MAN1C1: variants seen among roughly 807,000 people sequenced by gnomAD.
MAN1C1 encodes mannosyl-oligosaccharide 1,2-alpha-mannosidase IC.
Under a neutral mutation model 71.5 loss-of-function variants are expected in MAN1C1, and 49 were observed. The observed-to-expected ratio is 0.69, with a 90% CI of 0.54 to 0.87. The LOEUF (loss-of-function observed/expected upper bound fraction) is 0.87, where lower values mean the gene tolerates loss of function less well. Among genes scored for constraint, MAN1C1 ranks in the 40% least tolerant of loss-of-function variants. MAN1C1 has a pLI of 0.00. For missense variants in MAN1C1, 743 were observed against 835.0 expected (o/e 0.89, Z 1.36); for synonymous variants, 352 against 343.7 (o/e 1.02, Z -0.27).
At chr1:25,641,363 C>T (rs1368614730) in intron 1 of MAN1C1, among the ~76,000 whole-genome samples, 3 of 152,216 alleles carry the variant, frequency 2.0e-5, no homozygotes, top group Admixed American at 6.5e-5. Context: ...TAAACCTCCC[C>T]TCCCCACTCC....
At chr1:25,750,503 A>C (rs2047199963) in intron 4 of MAN1C1, among the ~76,000 whole-genome samples, 1 of 152,166 alleles carries the variant, frequency 6.6e-6, no homozygotes, top group South Asian at 2.1e-4. Context: ...AAGCCACAGA[A>C]TAATCCCTCT....
chr1:25,628,590 G>A (rs1189970924), intron 1 of MAN1C1, among the ~76,000 whole-genome samples: 3 of 152,298 alleles, frequency 2.0e-5, no homozygotes, highest in Admixed American at 6.5e-5. Context: ...TTATAGGTGT[G>A]AGCCACCACA....
chr1:25,734,206 G>GCAACATCCA (rs2046950482), intron 2 of MAN1C1, among the ~76,000 whole-genome samples: 1 of 152,142 alleles, frequency 6.6e-6, no homozygotes, highest in Non-Finnish European at 1.5e-5. Context: ...ACGGCTCACT[G>GCAACATCCA]CAACCTCCAC....
chr1:25,769,390 TACACAC>T lies in MAN1C1; in HGVS notation c.1142-2253_1142-2248del, dbSNP rs71004538. ...ACTCACCCCACACCCCATACATACA[TACACAC>T]ACACACACACACAAGCTGTAAAGCA... On this transcript the variant is annotated intron_variant, in intron 7 of 11. Transcript: ENST00000374332. This position sits in a 1 kb window ranked among gnomAD's most constrained non-coding sequence, Gnocchi z 4.8. Among the ~76,000 whole-genome samples the T allele has an allele frequency of 2.7e-5, 4 of 148,550 alleles. No homozygotes were observed. The highest frequency in any genetic ancestry group is 4.5e-5 in the Non-Finnish European group (3 of 66,750).
In MAN1C1 at chr1:25,617,281, G is replaced by T. The variant is rs2045113786; in HGVS notation, c.-517G>T. Among the ~76,000 whole-genome samples the T allele has an allele frequency of 6.6e-6, 1 of 151,862 alleles. No homozygotes were observed. The highest frequency in any genetic ancestry group is 2.0e-4 in the East Asian group (1 of 5,120). On this transcript the variant is annotated 5_prime_UTR_variant, in exon 1 of 12. Transcript: ENST00000374332. This position sits in a 1 kb window ranked among gnomAD's most constrained non-coding sequence, Gnocchi z 5.1. ...CGCGCGCTCGGGGCGGCGCTGACAC[G>T]CCAGCCCCCCATCGCCTCGGTCCCC... is the stretch of plus-strand genomic sequence containing the variant.
In MAN1C1 at chr1:25,744,009, T is replaced by C. The variant is rs112928660; in HGVS notation, c.638-2659T>C. Among the ~76,000 whole-genome samples, 26 of 152,312 alleles carry C rather than the reference T, an allele frequency of 1.7e-4. 1 individual carries two copies. The highest frequency in any genetic ancestry group is 6.0e-4 in the African/African-American group (25 of 41,572). Reference sequence around the variant, plus strand: ...GGGCCAGTCCCCCCTTGGTCTAATCTTGAGTGTGTCCCATCCCCTCTCTGA... The same window carrying C: ...GGGCCAGTCCCCCCTTGGTCTAATCCTGAGTGTGTCCCATCCCCTCTCTGA... On this transcript the variant is annotated intron_variant, in intron 2 of 11. Transcript: ENST00000374332.
At chr1:25,632,491 T>A (rs910714985) in intron 1 of MAN1C1, among the ~76,000 whole-genome samples, 2 of 152,096 alleles carry the variant, frequency 1.3e-5, no homozygotes, top group Admixed American at 1.3e-4. Context: ...ATGTTTCAAT[T>A]TCATTTACTT....
chr1:25,659,879 ATTAT>A (rs1272198815), intron 1 of MAN1C1, among the ~76,000 whole-genome samples: 1 of 152,152 alleles, frequency 6.6e-6, no homozygotes, highest in African/African-American at 2.4e-5. Context: ...GTTTTACTGT[ATTAT>A]TTATCTATTT....
intron 2 of MAN1C1, among the ~76,000 whole-genome samples, chr1:25,690,634 G>T (rs1286601021): frequency 1.3e-5 from 2 of 152,218 alleles, no homozygotes; most frequent in African/African-American, 4.8e-5. Context: ...GCCAGACAGG[G>T]CAGTTATTGT....
At chr1:25,696,013 G>C (rs184891573) in intron 2 of MAN1C1, among the ~76,000 whole-genome samples, 1 of 152,220 alleles carries the variant, frequency 6.6e-6, no homozygotes, top group African/African-American at 2.4e-5. Context: ...AACAAGTCTT[G>C]TTCCTGTCAG....
intron 1 of MAN1C1, among the ~76,000 whole-genome samples, chr1:25,670,536 A>G (rs1421818041): frequency 6.6e-6 from 1 of 152,218 alleles, no homozygotes; most frequent in African/African-American, 2.4e-5. Flanking sequence ...TTCAAAGAGA[A>G]GCAGACATAA....
intron 2 of MAN1C1, among the ~76,000 whole-genome samples, chr1:25,737,548 C>T (rs1051468897): frequency 3.3e-5 from 5 of 152,196 alleles, no homozygotes; most frequent in East Asian, 1.9e-4. Flanking sequence ...ATTCAACAAC[C>T]ACTCGTTTCT....
chr1:25,749,443 C>A lies in MAN1C1; in HGVS notation c.834+108C>A, dbSNP rs558875238. The A allele has an allele frequency of 5.8e-5, 57 of 990,644 alleles. No individual in the cohort carries two copies. In the Admixed American group the frequency reaches 9.1e-4, roughly 16 times the overall value. 61.4% of individuals were successfully genotyped at this position (990,644 alleles called of 1,614,324 possible). ...CCATGGGAAAAGGGACTTAAGGGGG[C>A]AGGGATGGGCCTGGGGCCACCCAAG... On this transcript the variant is annotated intron_variant, in intron 4 of 11. Transcript: ENST00000374332.
At chr1:25,733,317 C>T (rs1281024212) in intron 2 of MAN1C1, among the ~76,000 whole-genome samples, 1 of 152,162 alleles carries the variant, frequency 6.6e-6, no homozygotes, top group Admixed American at 6.5e-5. Context: ...AGATCCAGTT[C>T]CTAAGCCATC....
At chr1:25,666,050 G>C (rs556934470) in intron 1 of MAN1C1, among the ~76,000 whole-genome samples, 1 of 151,702 alleles carries the variant, frequency 6.6e-6, no homozygotes, top group East Asian at 1.9e-4. Flanking sequence ...TCATCTCTCA[G>C]GCATTTGCTA....
intron 1 of MAN1C1, among the ~76,000 whole-genome samples, chr1:25,627,238 G>A (rs1572103120): frequency 6.6e-6 from 1 of 151,534 alleles, no homozygotes; most frequent in Admixed American, 6.6e-5. Context: ...TATCTTTTAT[G>A]TCATTCCATT....
intron 6 of MAN1C1, chr1:25,761,688 A>C (rs1483973300): frequency 1.6e-5 from 2 of 125,990 alleles, no homozygotes; most frequent in Non-Finnish European, 3.1e-5. Context: ...CAGTGGCACT[A>C]TCTCGGCTCA....
chr1:25,780,046 C>T (rs533111363), intron 9 of MAN1C1, among the ~76,000 whole-genome samples: 1 of 152,240 alleles, frequency 6.6e-6, no homozygotes, highest in East Asian at 1.9e-4. Flanking sequence ...TCAGACACAT[C>T]CAGGGTCAAG....
chr1:25,748,592 G>A (rs762508516), intron 3 of MAN1C1, among the ~76,000 whole-genome samples: 21 of 152,242 alleles, frequency 1.4e-4, no homozygotes, highest in Non-Finnish European at 2.4e-4. Flanking sequence ...CCAAAGCCAG[G>A]TCAGTGGCTC....
Sources: gnomAD v4.1 joint callset for allele counts (sites outside exome capture counted in the v4.1 genomes callset) on GRCh38, gnomAD v4.1.1 for gene constraint, Gnocchi (gnomAD v3.1) non-coding constraint, MANE v1.5 for transcripts, NCBI Gene and HGNC (gene_info 2026-07-23, HGNC 2026-07-21) for gene names.